The following WDPCP variants were observed in gnomAD, a reference collection of about 807,000 sequenced individuals.
WDPCP encodes the protein WD repeat-containing and planar cell polarity effector protein fritz homolog.
Under a neutral mutation model 93.1 loss-of-function variants are expected in WDPCP, and 71 were observed. The observed-to-expected ratio is 0.76, with a 90% CI of 0.63 to 0.93. The LOEUF is 0.93. Ranked by LOEUF, WDPCP falls within the 40% of genes least tolerant of loss-of-function variation. WDPCP has a pLI of 0.00. For missense variants in WDPCP, 844 were observed against 887.4 expected, an observed-to-expected ratio of 0.95 and a Z score of 0.62; for synonymous variants, 315 against 315.0, an observed-to-expected ratio of 1.00 and a Z score of 0.00.
chr2:63,142,744 C>G (rs1671169624), intron 17 of WDPCP, among the ~76,000 whole-genome samples: 1 of 151,020 alleles, frequency 6.6e-6, no homozygotes, highest in Admixed American at 6.6e-5. Flanking sequence ...TAGGTCTATT[C>G]TTAGGTCTAT....
intron 15 of WDPCP, 60 bp from the exon 16 acceptor site, chr2:63,153,634 G>T: frequency 8.3e-7 from 1 of 1,198,848 alleles, no homozygotes; most frequent in Non-Finnish European, 1.2e-6. Flanking sequence ...TTTAAGGTTA[G>T]GTATAAGTTA....
chr2:63,505,416 A>G (rs1486510235), intron 1 of WDPCP, among the ~76,000 whole-genome samples: 1 of 152,084 alleles, frequency 6.6e-6, no homozygotes, highest in Non-Finnish European at 1.5e-5. Context: ...GGCATACATC[A>G]TCACAGCTTA....
At chr2:63,273,864 A>G (rs1682865788) in intron 13 of WDPCP, among the ~76,000 whole-genome samples, 1 of 151,930 alleles carries the variant, frequency 6.6e-6, no homozygotes, top group Non-Finnish European at 1.5e-5. Context: ...AAATATTGTT[A>G]CATATAAATG....
chr2:63,243,258 G>A (rs1332809738), intron 14 of WDPCP, among the ~76,000 whole-genome samples: 1 of 152,150 alleles, frequency 6.6e-6, no homozygotes, highest in African/African-American at 2.4e-5. Flanking sequence ...GTGTCTCATT[G>A]TGGTTTTGAT....
intron 3 of WDPCP, chr2:63,644,167 G>GT (rs1366612152): frequency 7.0e-6 from 2 of 284,486 alleles, no homozygotes; most frequent in Non-Finnish European, 1.4e-5. Flanking sequence ...ATTTTTTGAT[G>GT]TATCTTTGTC....
intron 12 of WDPCP, among the ~76,000 whole-genome samples, chr2:63,324,589 G>C (rs1687382812): frequency 6.6e-6 from 1 of 152,222 alleles, no homozygotes; most frequent in South Asian, 2.1e-4. Flanking sequence ...CACTTGGAAA[G>C]ATGTCATGCT....
intron 2 of WDPCP, among the ~76,000 whole-genome samples, chr2:63,678,504 G>A (rs1710451454): frequency 1.3e-5 from 2 of 152,148 alleles, no homozygotes; most frequent in Admixed American, 1.3e-4. Context: ...TTTGAAGTAA[G>A]CCAGCCTACA....
At chr2:63,540,575 T>A (rs964609655) in intron 1 of WDPCP, among the ~76,000 whole-genome samples, 5 of 152,236 alleles carry the variant, frequency 3.3e-5, no homozygotes, top group Non-Finnish European at 7.3e-5. Flanking sequence ...AGAAAATATA[T>A]GAGACTGTTT....
intron 6 of WDPCP, among the ~76,000 whole-genome samples, chr2:63,469,694 C>A (rs948381448): frequency 2.6e-5 from 4 of 152,000 alleles, no homozygotes; most frequent in African/African-American, 9.7e-5. Flanking sequence ...CTGGGGCCTA[C>A]CTGAGGATGG....
chr2:63,342,661 GTTA>G (rs954026039), intron 12 of WDPCP, among the ~76,000 whole-genome samples: 12 of 151,958 alleles, frequency 7.9e-5, no homozygotes, highest in African/African-American at 2.7e-4. Flanking sequence ...TATCTACCCT[GTTA>G]TTATTGTCAT....
At chr2:63,705,163 A>T (rs1262651564) in intron 2 of WDPCP, among the ~76,000 whole-genome samples, 2 of 151,850 alleles carry the variant, frequency 1.3e-5, no homozygotes, top group East Asian at 3.9e-4. Context: ...GTCATTTTTT[A>T]TTGCGTCTAT....
At chr2:63,773,353 A>G (rs886665196) in intron 2 of WDPCP, among the ~76,000 whole-genome samples, 1 of 152,072 alleles carries the variant, frequency 6.6e-6, no homozygotes, top group Non-Finnish European at 1.5e-5. Context: ...TAAATGTTGT[A>G]TAATAACATT....
At chr2:63,495,662 C>T (rs951196743) in intron 1 of WDPCP, among the ~76,000 whole-genome samples, 1 of 152,112 alleles carries the variant, frequency 6.6e-6, no homozygotes, top group Non-Finnish European at 1.5e-5. Context: ...TAAGAGTCCC[C>T]AGCTATAAAA....
At chr2:63,429,404 A>G (rs1696557357) in intron 9 of WDPCP, among the ~76,000 whole-genome samples, 1 of 152,198 alleles carries the variant, frequency 6.6e-6, no homozygotes, top group Non-Finnish European at 1.5e-5. Flanking sequence ...GTAAACAGAC[A>G]ACCTACAGAA....
At chr2:63,704,610 G>A (rs1669118681) in intron 2 of WDPCP, among the ~76,000 whole-genome samples, 3 of 152,076 alleles carry the variant, frequency 2.0e-5, no homozygotes, top group South Asian at 4.2e-4. Context: ...TTATTGATTT[G>A]CATAGGTTGA....
chr2:63,653,325 C>T (rs1057436678), intron 2 of WDPCP, among the ~76,000 whole-genome samples: 1 of 152,128 alleles, frequency 6.6e-6, no homozygotes, highest in Admixed American at 6.5e-5. Context: ...AAAGCTTGCA[C>T]AGGATTGGGA....
Position 63,669,928 on chromosome 2 carries a change from G to C in WDPCP, n.309-19090C>G, listed in dbSNP as rs151167256. ...CTACTTACCAGCTGTGTGAACTCAG[G>C]GAAGTTTTTTATTTTCTATAAGGCT... On this transcript the variant is annotated intron_variant and non_coding_transcript_variant, in intron 2 of 4. Coordinates refer to the WDPCP transcript ENST00000467687. Among the ~76,000 whole-genome samples the C allele has an allele frequency of 1.2e-3, 181 of 152,116 alleles. 1 individual carries two copies. Among genetic ancestry groups the C allele is most frequent in the African/African-American group, 4.0e-3 (166 of 41,510 alleles).
At chr2:63,780,125 CTTTTAT>C (rs1670365166) in intron 2 of WDPCP, among the ~76,000 whole-genome samples, 1 of 152,072 alleles carries the variant, frequency 6.6e-6, no homozygotes, top group Non-Finnish European at 1.5e-5. Context: ...GGGATGTTGT[CTTTTAT>C]TTTTATTTCT....
intron 1 of WDPCP, among the ~76,000 whole-genome samples, chr2:63,508,521 C>T (rs775390034): frequency 1.3e-5 from 2 of 152,116 alleles, no homozygotes; most frequent in Admixed American, 6.6e-5. Flanking sequence ...CAAGAAACTG[C>T]ATCAACTAAT....
Sources: allele counts gnomAD v4.1 joint callset (sites outside exome capture counted in the v4.1 genomes callset), GRCh38; gene constraint gnomAD v4.1.1; transcripts MANE v1.5; gene names NCBI Gene and HGNC (gene_info 2026-07-23, HGNC 2026-07-21).